The following DLGAP4 variants were observed in gnomAD, a reference collection of about 807,000 sequenced individuals.
The protein encoded by DLGAP4 is DLG associated protein 4, also known as disks large-associated protein 4.
DLGAP4 carries 18 observed loss-of-function variants against 86.9 expected under a neutral mutation model. That is an observed-to-expected ratio of 0.21 (90% CI 0.14 to 0.31). The LOEUF is 0.31. DLGAP4 is among the 10% of genes least tolerant of loss of function. DLGAP4 has a pLI of 1.00. For synonymous variants in DLGAP4, 548 were observed against 574.3 expected, an observed-to-expected ratio of 0.95 and a Z score of 0.65; for missense variants, 1,085 against 1,362.6, an observed-to-expected ratio of 0.80 and a Z score of 3.21.
At chr20:36,323,801 C>A (rs912476351) in intron 1 of DLGAP4, among the ~76,000 whole-genome samples, 3 of 152,186 alleles carry the variant, frequency 2.0e-5, no homozygotes, top group Non-Finnish European at 4.4e-5. Context: ...AACCTAGATC[C>A]CCCGCATGCG....
At chr20:36,317,511 T>A (rs1163991614) in intron 1 of DLGAP4, among the ~76,000 whole-genome samples, 1 of 145,132 alleles carries the variant, frequency 6.9e-6, no homozygotes, top group Admixed American at 7.0e-5. Context: ...CGGAGTACAG[T>A]GACATGATCA....
At chr20:36,315,118 GTATGTGGTGTGGTGTGTGTGA>G (rs2065086976) in intron 1 of DLGAP4, among the ~76,000 whole-genome samples, 1 of 146,512 alleles carries the variant, frequency 6.8e-6, no homozygotes, top group Non-Finnish European at 1.5e-5. Flanking sequence ...GTGATGTGTG[GTATGTGGTGTGGTGTGTGTGA>G]TGTGTGGTGT....
intron 1 of DLGAP4, among the ~76,000 whole-genome samples, chr20:36,324,818 T>C (rs1349280862): frequency 6.6e-6 from 1 of 152,246 alleles, no homozygotes; most frequent in Non-Finnish European, 1.5e-5. Flanking sequence ...ATATTTGTAA[T>C]ATGTGTCTGA....
intron 8 of DLGAP4, chr20:36,499,170 C>A: frequency 7.2e-7 from 1 of 1,385,062 alleles, no homozygotes. Context: ...ACGGCTGTGG[C>A]TTTGTGTGTG....
At chr20:36,476,318 CTTTTTTTTTTTTTTTT>C (rs1028980966) in intron 7 of DLGAP4, among the ~76,000 whole-genome samples, 1 of 119,598 alleles carries the variant, frequency 8.4e-6, no homozygotes, top group Non-Finnish European at 1.8e-5. Flanking sequence ...TGGCAACCAC[CTTTTTTTTTTTTTTTT>C]TTTTTTTTTT....
intron 7 of DLGAP4, among the ~76,000 whole-genome samples, chr20:36,480,518 A>G (rs2035140231): frequency 6.6e-6 from 1 of 152,136 alleles, no homozygotes; most frequent in Non-Finnish European, 1.5e-5. Flanking sequence ...AGTCTGGGCA[A>G]CATAGTGAGA....
At chr20:36,394,759 G>T (rs1337498238) in intron 2 of DLGAP4, among the ~76,000 whole-genome samples, 1 of 151,880 alleles carries the variant, frequency 6.6e-6, no homozygotes, top group African/African-American at 2.4e-5. Flanking sequence ...ACAGGCTCTG[G>T]CTTCTGGAAG....
chr20:36,371,580 A>G (rs2030937639), intron 2 of DLGAP4, among the ~76,000 whole-genome samples: 1 of 152,224 alleles, frequency 6.6e-6, no homozygotes, highest in Non-Finnish European at 1.5e-5. Context: ...CTCATGTAAC[A>G]TCGTTGCTGT....
intron 1 of DLGAP4, among the ~76,000 whole-genome samples, chr20:36,339,994 G>A (rs370040218): frequency 1.4e-4 from 22 of 152,326 alleles, no homozygotes; most frequent in Middle Eastern, 6.8e-3. Context: ...GCCGCAGAGC[G>A]GGGAAGGAGA....
chr20:36,335,531 T>C (rs1022495527), intron 1 of DLGAP4, among the ~76,000 whole-genome samples: 12 of 152,128 alleles, frequency 7.9e-5, no homozygotes, highest in Non-Finnish European at 1.5e-4. Flanking sequence ...ATTGTGACTG[T>C]CGAGACTGTG....
chr20:36,342,655 G>A (rs1555892604), intron 1 of DLGAP4, among the ~76,000 whole-genome samples: 1 of 152,248 alleles, frequency 6.6e-6, no homozygotes, highest in Non-Finnish European at 1.5e-5. Context: ...GGCTGGGATG[G>A]AGGTAACCTC....
At chr20:36,505,568 A>G (rs2036326013) in intron 10 of DLGAP4, among the ~76,000 whole-genome samples, 1 of 152,006 alleles carries the variant, frequency 6.6e-6, no homozygotes, top group Admixed American at 6.6e-5. Flanking sequence ...TGAGCCCAGG[A>G]GTTCAAGACC....
chr20:36,330,666 G>A (rs1008340913), intron 1 of DLGAP4, among the ~76,000 whole-genome samples: 3 of 150,576 alleles, frequency 2.0e-5, no homozygotes, highest in Admixed American at 6.6e-5. Context: ...TATGCCTCCC[G>A]GATTCAAGCA....
At chr20:36,402,519 G>A (rs1004765095) in intron 2 of DLGAP4, among the ~76,000 whole-genome samples, 1 of 152,112 alleles carries the variant, frequency 6.6e-6, no homozygotes. Context: ...AGATCAAGAT[G>A]GGAAGATTGC....
chr20:36,415,323 G>T (rs770968332), intron 2 of DLGAP4, among the ~76,000 whole-genome samples: 3 of 151,884 alleles, frequency 2.0e-5, no homozygotes, highest in South Asian at 4.2e-4. Context: ...TCCAGAGAGC[G>T]CTGGCCTAGG....
intron 7 of DLGAP4, among the ~76,000 whole-genome samples, chr20:36,452,642 TGGGATTACA>T (rs1184029877): frequency 1.3e-5 from 2 of 151,642 alleles, no homozygotes; most frequent in African/African-American, 4.8e-5. Flanking sequence ...CCCAGGTAGA[TGGGATTACA>T]GGCATATGCC....
intron 7 of DLGAP4, among the ~76,000 whole-genome samples, chr20:36,457,988 CG>C (rs1204860674): frequency 6.6e-6 from 1 of 151,774 alleles, no homozygotes; most frequent in East Asian, 1.9e-4. Flanking sequence ...GCGCTCCAGG[CG>C]GGGGGTGAGT....
At chr20:36,429,605 C>T (rs1429962900) in intron 2 of DLGAP4, among the ~76,000 whole-genome samples, 1 of 151,726 alleles carries the variant, frequency 6.6e-6, no homozygotes, top group Admixed American at 6.6e-5. Flanking sequence ...TGGGGTTTCA[C>T]TGTGTTGGCC....
At chr20:36,476,136 C>G (rs2034904670) in intron 7 of DLGAP4, among the ~76,000 whole-genome samples, 1 of 151,246 alleles carries the variant, frequency 6.6e-6, no homozygotes, top group Non-Finnish European at 1.5e-5. Context: ...TGGGATTACA[C>G]ACGCGCCCGG....
Sources: gnomAD v4.1 joint callset for allele counts (sites outside exome capture counted in the v4.1 genomes callset) on GRCh38, gnomAD v4.1.1 for gene constraint, MANE v1.5 for transcripts, NCBI Gene and HGNC (gene_info 2026-07-23, HGNC 2026-07-21) for gene names.